The following AP4E1 variants were observed in gnomAD, a reference collection of about 807,000 sequenced individuals.
AP4E1 encodes the protein AP-4 complex subunit epsilon-1.
In AP4E1, 56 loss-of-function variants were observed where a neutral mutation model predicts 128.2. The observed-to-expected ratio is 0.44, with a 90% CI of 0.35 to 0.55. The LOEUF (loss-of-function observed/expected upper bound fraction) is 0.55, where lower values mean the gene tolerates loss of function less well. Among genes scored for constraint, AP4E1 ranks in the 20% least tolerant of loss-of-function variants. AP4E1 has a pLI of 0.00. For synonymous variants in AP4E1, 484 were observed against 473.1 expected (o/e 1.02, Z -0.30); for missense variants, 1,324 against 1,307.7 (o/e 1.01, Z -0.19).
At chr15:50,972,460 C>T (rs2064494202) in intron 15 of AP4E1, among the ~76,000 whole-genome samples, 1 of 152,142 alleles carries the variant, frequency 6.6e-6, no homozygotes, top group South Asian at 2.1e-4. Flanking sequence ...GATCCACCCA[C>T]CTCAGCCTCC....
chr15:50,974,004 C>T (rs567491428), intron 15 of AP4E1, among the ~76,000 whole-genome samples: 2 of 152,280 alleles, frequency 1.3e-5, no homozygotes, highest in African/African-American at 4.8e-5. Flanking sequence ...CTTGCTCTGT[C>T]GCCTAGGCTG....
At chr15:50,922,781 T>TC (rs1426887123) in intron 3 of AP4E1, among the ~76,000 whole-genome samples, 1 of 141,498 alleles carries the variant, frequency 7.1e-6, no homozygotes, top group Non-Finnish European at 1.6e-5. Flanking sequence ...TTTTTGGGTC[T>TC]CTTTTTTTTT....
At chr15:50,932,598 T>C (rs1464589372) in intron 7 of AP4E1, among the ~76,000 whole-genome samples, 2 of 152,234 alleles carry the variant, frequency 1.3e-5, no homozygotes, top group African/African-American at 2.4e-5. Context: ...TTATGAATAT[T>C]GTTCCCTTTT....
intron 1 of AP4E1, among the ~76,000 whole-genome samples, chr15:50,909,788 C>T (rs2063541894): frequency 6.6e-6 from 1 of 150,868 alleles, no homozygotes; most frequent in Non-Finnish European, 1.5e-5. Flanking sequence ...TCCGGGTTCA[C>T]GCCATTCTCC....
At chr15:50,963,340 A>C (rs902082484) in intron 14 of AP4E1, among the ~76,000 whole-genome samples, 12 of 152,218 alleles carry the variant, frequency 7.9e-5, no homozygotes, top group Admixed American at 5.9e-4. Flanking sequence ...ATGTGGAATC[A>C]ACCTAAGTGT....
Position 50,918,473 on chromosome 15 carries a change from A to T in AP4E1, c.346+2902A>T, listed in dbSNP as rs1011514046. On this transcript the variant is annotated intron_variant, in intron 3 of 20. Coordinates refer to ENST00000261842, the MANE Select transcript of AP4E1 (RefSeq NM_007347.5). ...ATAGTTATTAAATATTAGATAGTTGATGGTAGAATTATTTTGTCCAACTGT... is the reference window on the plus strand; with the variant it reads ...ATAGTTATTAAATATTAGATAGTTGTTGGTAGAATTATTTTGTCCAACTGT... 2.0e-5 allele frequency among the ~76,000 whole-genome samples: 3 copies of T among 152,282 alleles called. No homozygotes were observed. The East Asian group carries it at 5.8e-4, about 29-fold the overall frequency.
chr15:50,918,489 G>A (rs893532420), intron 3 of AP4E1, among the ~76,000 whole-genome samples: 2 of 152,052 alleles, frequency 1.3e-5, no homozygotes, highest in African/African-American at 4.8e-5. Flanking sequence ...GAATTATTTT[G>A]TCCAACTGTT....
chr15:50,938,955 ACT>A lies in AP4E1; in HGVS notation c.944-2484_944-2483del, dbSNP rs1462177646. On this transcript the variant is annotated intron_variant, in intron 8 of 20. Coordinates refer to ENST00000261842, the MANE Select transcript of AP4E1 (RefSeq NM_007347.5). ...TTTAACTTAATTAAAGTGAGAGTAAACTCTATTCTGAGGGATAAGGTGTCAGA... is the reference window on the plus strand; with the variant it reads ...TTTAACTTAATTAAAGTGAGAGTAAACTATTCTGAGGGATAAGGTGTCAGA... Among the ~76,000 whole-genome samples the A allele has an allele frequency of 5.3e-5, 8 of 152,112 alleles. No homozygotes were observed. The East Asian group carries it at 9.6e-4, about 18-fold the overall frequency.
chr15:50,954,542 C>G (rs896300611), intron 13 of AP4E1, among the ~76,000 whole-genome samples: 1 of 152,028 alleles, frequency 6.6e-6, no homozygotes, highest in Non-Finnish European at 1.5e-5. Context: ...TGTTTAGTTT[C>G]TGAGTGTTTA....
At chr15:50,976,280 A>G (rs1003263597) in intron 15 of AP4E1, among the ~76,000 whole-genome samples, 1 of 152,234 alleles carries the variant, frequency 6.6e-6, no homozygotes, top group African/African-American at 2.4e-5. Flanking sequence ...GATAAAAACC[A>G]CACAGTTCTC....
At chr15:50,931,167 A>C (rs1280102720) in intron 7 of AP4E1, among the ~76,000 whole-genome samples, 196 bp downstream of exon 7, 1 of 152,172 alleles carries the variant, frequency 6.6e-6, no homozygotes, top group Non-Finnish European at 1.5e-5. Context: ...TCCTTATCTT[A>C]ATTTTACCCA....
chr15:50,978,833 G>A (rs1182472227), intron 15 of AP4E1, among the ~76,000 whole-genome samples: 2 of 152,142 alleles, frequency 1.3e-5, no homozygotes, highest in African/African-American at 2.4e-5. Context: ...TAACTCTCCA[G>A]CATCTTTAGT....
At chr15:50,954,136 C>G (rs1171386540) in intron 13 of AP4E1, among the ~76,000 whole-genome samples, 1 of 152,052 alleles carries the variant, frequency 6.6e-6, no homozygotes, top group Non-Finnish European at 1.5e-5. Context: ...CTTAATAGTT[C>G]TAGGAGTGTT....
In AP4E1 at chr15:50,984,019, T is replaced by C. The variant is rs772281399; in HGVS notation, c.1967-3T>C. The C allele has an allele frequency of 1.2e-6, 2 of 1,612,504 alleles. No individual in the cohort carries two copies. Among genetic ancestry groups the C allele is most frequent in the Non-Finnish European group, 1.7e-6 (2 of 1,178,898 alleles). The stretch of plus-strand genomic sequence containing the variant: ...AACCTCTGTTATTATTTTAAAATTC[T>C]AGTTCTCAATTTTGAACCATATGGA... On this transcript the variant is annotated splice_region_variant and splice_polypyrimidine_tract_variant and intron_variant, in intron 15 of 20. Coordinates refer to ENST00000261842, the MANE Select transcript of AP4E1 (RefSeq NM_007347.5).
At chr15:50,974,163 G>C (rs1014036058) in intron 15 of AP4E1, among the ~76,000 whole-genome samples, 5 of 151,918 alleles carry the variant, frequency 3.3e-5, no homozygotes, top group African/African-American at 1.2e-4. Context: ...ACAGGGTTTT[G>C]CCATGTTGGC....
chr15:50,952,555 C>A (rs2064166321), intron 13 of AP4E1, among the ~76,000 whole-genome samples: 1 of 151,864 alleles, frequency 6.6e-6, no homozygotes, highest in South Asian at 2.1e-4. Context: ...TTAATATCAC[C>A]TGCTATACTG....
In AP4E1 at chr15:51,005,805, A is replaced by C. The variant is rs2065011551; in HGVS notation, c.*3143A>C. 6.6e-6 allele frequency: 1 copy of C among 152,658 alleles called. No homozygotes were observed. The highest frequency in any genetic ancestry group is 2.4e-5 in the African/African-American group (1 of 41,454). 9.5% of individuals were successfully genotyped at this position (152,658 alleles called of 1,614,324 possible). A position where few individuals can be genotyped will look rare whatever the true frequency, so the allele number is the denominator to read the frequency against. On this transcript the variant is annotated 3_prime_UTR_variant, in exon 21 of 21. Transcript: ENST00000261842. ...TAGGAGAGAAAAATACAAGTGAATA[A>C]TTATTTAATAGGCATTTATTACTTT...
chr15:50,939,720 G>A (rs898314588), intron 8 of AP4E1, among the ~76,000 whole-genome samples: 1 of 152,132 alleles, frequency 6.6e-6, no homozygotes, highest in Admixed American at 6.6e-5. Context: ...AATTTTGGAT[G>A]GGTAATGGCA....
At chr15:50,993,717 T>C (rs2064833785) in intron 17 of AP4E1, 92 bp downstream of exon 17, 4 of 1,512,536 alleles carry the variant, frequency 2.6e-6, no homozygotes, top group Non-Finnish European at 2.7e-6. Context: ...GTCGTCTATA[T>C]GTATAGTGAA....
Sources: allele counts gnomAD v4.1 joint callset (sites outside exome capture counted in the v4.1 genomes callset), GRCh38; gene constraint gnomAD v4.1.1; transcripts MANE v1.5; gene names NCBI Gene and HGNC (gene_info 2026-07-23, HGNC 2026-07-21).